The following FCHO2 variants were observed in gnomAD, a reference collection of about 807,000 sequenced individuals.
FCHO2 encodes the protein FCH and mu domain containing endocytic adaptor 2.
In FCHO2, 43 loss-of-function variants were observed where a neutral mutation model predicts 114.1. The observed-to-expected ratio is 0.38, with a 90% CI of 0.30 to 0.49. The LOEUF (loss-of-function observed/expected upper bound fraction) is 0.49, where lower values mean the gene tolerates loss of function less well. Among genes scored for constraint, FCHO2 ranks in the 20% least tolerant of loss-of-function variants. The pLI is 0.97. For synonymous variants in FCHO2, 293 were observed against 315.2 expected (o/e 0.93, Z 0.75); for missense variants, 807 against 950.4 (o/e 0.85, Z 1.98).
chr5:72,993,677 C>G (rs995019114), intron 5 of FCHO2, among the ~76,000 whole-genome samples: 3 of 152,092 alleles, frequency 2.0e-5, no homozygotes, highest in African/African-American at 7.2e-5. Flanking sequence ...GTACAAACTT[C>G]GTTGCATGAT....
At position 72,972,308 on chromosome 5, in the gene FCHO2, C is replaced by T. The variant is rs1448054243; in HGVS notation, c.125+3719C>T. 5.3e-5 allele frequency among the ~76,000 whole-genome samples: 8 copies of T among 151,256 alleles called. No homozygotes were observed. In the South Asian group the frequency reaches 6.2e-4, roughly 12 times the overall value. On this transcript the variant is annotated intron_variant, in intron 2 of 25. Coordinates refer to ENST00000430046, the MANE Select transcript of FCHO2 (RefSeq NM_138782.3). ...ACCTTGGGCAGTATGGCCATTTTCACGATATTGATTCTTCCTACCCATGAG... is the reference window on the plus strand; with the variant it reads ...ACCTTGGGCAGTATGGCCATTTTCATGATATTGATTCTTCCTACCCATGAG...
chr5:73,029,141 G>A (rs1409707584), intron 8 of FCHO2, among the ~76,000 whole-genome samples: 1 of 152,112 alleles, frequency 6.6e-6, no homozygotes, highest in Non-Finnish European at 1.5e-5. Context: ...TTAAGTAGAT[G>A]TAGTTTATCA....
chr5:72,971,162 C>T (rs1580011094), intron 2 of FCHO2, among the ~76,000 whole-genome samples: 3 of 152,066 alleles, frequency 2.0e-5, no homozygotes, highest in Admixed American at 2.0e-4. Context: ...AATAAACATA[C>T]ATATGCATGT....
At chr5:72,989,296 A>G (rs1316018598) in intron 2 of FCHO2, 131 bp from the exon 3 acceptor site, 3 of 653,970 alleles carry the variant, frequency 4.6e-6, no homozygotes, top group Non-Finnish European at 5.3e-6. Context: ...ATGACTACAT[A>G]TATGTACTTA....
intron 2 of FCHO2, among the ~76,000 whole-genome samples, chr5:72,977,993 C>T (rs1311083340): frequency 1.3e-5 from 2 of 152,124 alleles, no homozygotes; most frequent in Admixed American, 6.6e-5. Flanking sequence ...TGTTTTGGTA[C>T]CAGTACCATG....
intron 9 of FCHO2, 139 bp from the exon 10 acceptor site, chr5:73,037,004 C>A: frequency 4.1e-6 from 2 of 482,708 alleles, no homozygotes; most frequent in Non-Finnish European, 7.3e-6. Flanking sequence ...TGAGTGGTTG[C>A]TAACTTTATT....
chr5:73,002,840 TAG>T (rs1424477741), intron 5 of FCHO2, among the ~76,000 whole-genome samples: 1 of 152,148 alleles, frequency 6.6e-6, no homozygotes, highest in Non-Finnish European at 1.5e-5. Flanking sequence ...AACAAGAAGT[TAG>T]AGAGAGGGTT....
At chr5:73,029,490 T>C (rs978804704) in intron 8 of FCHO2, among the ~76,000 whole-genome samples, 1 of 152,236 alleles carries the variant, frequency 6.6e-6, no homozygotes, top group African/African-American at 2.4e-5. Flanking sequence ...GATTTAAGAC[T>C]ATAGTTTCTA....
intron 1 of FCHO2, among the ~76,000 whole-genome samples, chr5:72,965,470 T>C (rs535857424): frequency 1.1e-4 from 17 of 152,330 alleles, no homozygotes; most frequent in African/African-American, 4.1e-4. Context: ...CTTGACACGA[T>C]TGCCACAAAC....
chr5:72,994,255 T>G (rs986255391), intron 5 of FCHO2, among the ~76,000 whole-genome samples: 16 of 152,124 alleles, frequency 1.1e-4, no homozygotes, highest in Admixed American at 9.2e-4. Flanking sequence ...AGGTCTGACA[T>G]CCAGCATCTA....
Position 72,987,441 on chromosome 5 carries a change from G to A in FCHO2, c.126-1986G>A, listed in dbSNP as rs958609101. On this transcript the variant is annotated intron_variant, in intron 2 of 25. Transcript: ENST00000430046. ...CAGCCTCCGCCTCCCGGATTCAAGC[G>A]ATTCTCCTGCCTCAGCCTTCCAAGT... is the stretch of plus-strand genomic sequence containing the variant. Among the ~76,000 whole-genome samples, 3 of 152,094 alleles carry A rather than the reference G, an allele frequency of 2.0e-5. No homozygotes were observed. The East Asian group carries it at 5.9e-4, about 30-fold the overall frequency.
At chr5:73,036,000 G>A (rs1017242171) in intron 9 of FCHO2, among the ~76,000 whole-genome samples, 25 of 151,480 alleles carry the variant, frequency 1.7e-4, no homozygotes, top group Non-Finnish European at 4.4e-5. Context: ...GCGCCACTAC[G>A]CCCGGCTAAT....
intron 24 of FCHO2, among the ~76,000 whole-genome samples, 180 bp downstream of exon 24, chr5:73,083,005 C>T (rs1427217426): frequency 1.3e-5 from 2 of 151,866 alleles, no homozygotes; most frequent in Non-Finnish European, 2.9e-5. Context: ...TCCTGAGTAG[C>T]TGGGATTACA....
chr5:73,055,339 T>A (rs1310118909), intron 15 of FCHO2, among the ~76,000 whole-genome samples: 2 of 152,090 alleles, frequency 1.3e-5, no homozygotes, highest in Non-Finnish European at 2.9e-5. Flanking sequence ...AAGTGAAGAA[T>A]GTAGAGTGAA....
At chr5:73,083,396 T>G (rs1743187966) in intron 24 of FCHO2, among the ~76,000 whole-genome samples, 1 of 152,196 alleles carries the variant, frequency 6.6e-6, no homozygotes, top group South Asian at 2.1e-4. Flanking sequence ...TGCCATAACT[T>G]TATAAATATT....
chr5:73,003,239 C>G (rs746714750), intron 5 of FCHO2, among the ~76,000 whole-genome samples: 74 of 152,214 alleles, frequency 4.9e-4, no homozygotes, highest in South Asian at 8.3e-4. Context: ...GTCTCGAACT[C>G]CTGGGCTCAA....
intron 24 of FCHO2, among the ~76,000 whole-genome samples, chr5:73,086,425 A>G (rs758137542): frequency 1.3e-5 from 2 of 152,232 alleles, no homozygotes; most frequent in Non-Finnish European, 2.9e-5. Context: ...TGTAGTGTTA[A>G]GCTTCTGTGC....
Position 73,086,670 on chromosome 5 carries a change from A to T in FCHO2, c.2246-919A>T, listed in dbSNP as rs76915345. Among the ~76,000 whole-genome samples the T allele has an allele frequency of 4.9e-3, 745 of 152,226 alleles. 6 individuals are homozygous for T. The highest frequency in any genetic ancestry group is 0.017 in the African/African-American group (722 of 41,532). On this transcript the variant is annotated intron_variant, in intron 24 of 25. Coordinates refer to ENST00000430046, the MANE Select transcript of FCHO2 (RefSeq NM_138782.3). ...CTTGCAGTTGGTCTCCCAACCTTGCATCTTGTGCTTCTCTTCCCTTTTGAG... is the reference window on the plus strand; with the variant it reads ...CTTGCAGTTGGTCTCCCAACCTTGCTTCTTGTGCTTCTCTTCCCTTTTGAG...
Position 73,017,263 on chromosome 5 carries a change from A to G in FCHO2, c.751A>G (p.Ile251Val). 1 of 1,567,104 alleles carries G rather than the reference A, an allele frequency of 6.4e-7. No homozygotes were observed. The highest frequency in any genetic ancestry group is 8.7e-7 in the Non-Finnish European group (1 of 1,155,064). ...GGCTAATACTACAGTTGAAAGTTTG[A>G]TACAAAAATTTGCTGAGTCAAAAGG... ...NMANTTVESLIQKFAESKGTG... is the reference protein window; with the variant it reads ...NMANTTVESLVQKFAESKGTG... Residue 251 changes from isoleucine (I) to valine (V), a missense_variant, in exon 8 of 26, where the codon ATA (isoleucine) becomes GTA (valine). Ile to Val is a conservative substitution (Grantham distance 29). Coordinates refer to ENST00000430046, the MANE Select transcript of FCHO2 (RefSeq NM_138782.3).
Sources: gnomAD v4.1 joint callset for allele counts (sites outside exome capture counted in the v4.1 genomes callset) on GRCh38, gnomAD v4.1.1 for gene constraint, MANE v1.5 for transcripts, NCBI Gene and HGNC (gene_info 2026-07-23, HGNC 2026-07-21) for gene names.